The following SLC22A23 variants were observed in gnomAD, a reference collection of about 807,000 sequenced individuals.
SLC22A23 encodes the protein solute carrier family 22 member 23.
SLC22A23 carries 26 observed loss-of-function variants against 61.0 expected under a neutral mutation model. The ratio of observed to expected loss-of-function variants is 0.43; its 90% confidence interval spans 0.31 to 0.59. SLC22A23 has a LOEUF of 0.59. SLC22A23 is among the 20% of genes least tolerant of loss of function. The pLI is 0.11. For missense variants in SLC22A23, 796 were observed against 934.7 expected, an observed-to-expected ratio of 0.85 and a Z score of 1.94; for synonymous variants, 430 against 413.9, an observed-to-expected ratio of 1.04 and a Z score of -0.47.
intron 3 of SLC22A23, among the ~76,000 whole-genome samples, chr6:3,340,256 T>C (rs902696207): frequency 6.6e-6 from 1 of 152,174 alleles, no homozygotes; most frequent in Admixed American, 6.5e-5. Context: ...GACTCTCTTA[T>C]GAATGGCAAG....
At chr6:3,287,673 CTGTT>C (rs975769273) in intron 6 of SLC22A23, among the ~76,000 whole-genome samples, 91 of 63,912 alleles carry the variant, frequency 1.4e-3, no homozygotes, top group Non-Finnish European at 3.2e-3. Flanking sequence ...CCACAGGAAA[CTGTT>C]TTTTTTTTTG....
intron 3 of SLC22A23, among the ~76,000 whole-genome samples, chr6:3,397,927 G>A (rs1768115319): frequency 2.6e-5 from 4 of 152,210 alleles, no homozygotes; most frequent in Non-Finnish European, 5.9e-5. Flanking sequence ...TCAGCCCAAC[G>A]GGGAGCAAAT....
chr6:3,355,852 A>T (rs970478747), intron 3 of SLC22A23, among the ~76,000 whole-genome samples: 3 of 151,122 alleles, frequency 2.0e-5, no homozygotes, highest in Non-Finnish European at 2.9e-5. Context: ...CCGCATCGAC[A>T]CGGAGGAGCC....
intron 4 of SLC22A23, chr6:3,323,196 G>A (rs1175981884): frequency 2.2e-6 from 1 of 454,952 alleles, no homozygotes; most frequent in Non-Finnish European, 4.4e-6. Context: ...CTGATATTGA[G>A]CAGGGGTGGG....
chr6:3,281,979 GGA>G (rs1428462784), intron 9 of SLC22A23, among the ~76,000 whole-genome samples: 1 of 152,130 alleles, frequency 6.6e-6, no homozygotes, highest in Non-Finnish European at 1.5e-5. Flanking sequence ...GCGTCAAAGA[GGA>G]AAAGCTTACA....
rs1374689217 is a variant in SLC22A23 at position 3,322,678 on chromosome 6, T to C, written c.1082+1156A>G. ...ACCAGGCTCTCGGGGAAACCGCACC[T>C]GCACCCTCGCAGTACATCTACTACC... On this transcript the variant is annotated intron_variant, in intron 4 of 9. Transcript: ENST00000406686. The surrounding 1 kb of genome is among the most constrained non-coding windows in gnomAD (Gnocchi z 4.1). 6.6e-6 allele frequency among the ~76,000 whole-genome samples: 1 copy of C among 152,172 alleles called. No homozygotes were observed. Among genetic ancestry groups the C allele is most frequent in the African/African-American group, 2.4e-5 (1 of 41,428 alleles).
intron 4 of SLC22A23, among the ~76,000 whole-genome samples, chr6:3,299,004 AAC>A (rs1231182383): frequency 1.3e-5 from 2 of 150,566 alleles, no homozygotes; most frequent in Non-Finnish European, 1.5e-5. Flanking sequence ...AAATGTTCCC[AAC>A]ACACAAAAAA....
In SLC22A23 at chr6:3,286,994, T is replaced by C. The variant is rs778910609; in HGVS notation, c.1411A>G (p.Thr471Ala). 1 of 1,614,114 alleles carries C rather than the reference T, an allele frequency of 6.2e-7. No homozygotes were observed. Among genetic ancestry groups the C allele is most frequent in the East Asian group, 2.2e-5 (1 of 44,878 alleles). ...LLENFYADYY[T>A]TASIALVSCL... ...GACACCAGCGCGATGCTGGCCGTGG[T>C]ATAGTAGTCAGCATAGAAGTTCTCC... The change falls in exon 7 of 10, where the codon ACC (threonine) becomes GCC (alanine). Residue 471 changes from threonine (T) to alanine (A), a missense_variant. Coordinates refer to ENST00000406686, the MANE Select transcript of SLC22A23 (RefSeq NM_015482.2). This position sits in a 1 kb window ranked among gnomAD's most constrained non-coding sequence, Gnocchi z 4.2.
rs989727868 is a variant in SLC22A23, at chr6:3,454,519, A to G, written c.654+1387T>C. ...TTGCCAAATCCTCAGTCTGTCAGAC[A>G]TACACAGTGATTTAAATAGTCATTG... On this transcript the variant is annotated intron_variant, in intron 1 of 9. Coordinates refer to ENST00000406686, the MANE Select transcript of SLC22A23 (RefSeq NM_015482.2). This position sits in a 1 kb window ranked among gnomAD's most constrained non-coding sequence, Gnocchi z 4.3. Among the ~76,000 whole-genome samples the G allele has an allele frequency of 1.3e-5, 2 of 152,260 alleles. No individual in the cohort carries two copies. Among genetic ancestry groups the G allele is most frequent in the South Asian group, 2.1e-4 (1 of 4,832 alleles).
At chr6:3,366,412 G>A (rs1049994709) in intron 3 of SLC22A23, among the ~76,000 whole-genome samples, 4 of 151,278 alleles carry the variant, frequency 2.6e-5, no homozygotes, top group Non-Finnish European at 5.9e-5. Flanking sequence ...CGTTAGGGCT[G>A]TGTAGTCTTG....
At chr6:3,361,694 T>C (rs1765458578) in intron 3 of SLC22A23, among the ~76,000 whole-genome samples, 1 of 152,228 alleles carries the variant, frequency 6.6e-6, no homozygotes, top group South Asian at 2.1e-4. Flanking sequence ...GCAAGCCCCA[T>C]GGGATCCAAG....
At chr6:3,355,092 C>A (rs1764987860) in intron 3 of SLC22A23, among the ~76,000 whole-genome samples, 1 of 151,922 alleles carries the variant, frequency 6.6e-6, no homozygotes, top group Non-Finnish European at 1.5e-5. Context: ...AGCGCCTCTC[C>A]ACATGGCAGT....
chr6:3,278,422 C>A (rs1033780613), intron 9 of SLC22A23, among the ~76,000 whole-genome samples: 1 of 152,214 alleles, frequency 6.6e-6, no homozygotes, highest in Non-Finnish European at 1.5e-5. Context: ...TACTCAAACT[C>A]CTCCCAGGCT....
chr6:3,316,196 C>G (rs576616240), intron 4 of SLC22A23, among the ~76,000 whole-genome samples: 1 of 152,314 alleles, frequency 6.6e-6, no homozygotes, highest in South Asian at 2.1e-4. Flanking sequence ...GAATGCTTTT[C>G]CCACATTTGT....
At chr6:3,283,733 G>A in intron 9 of SLC22A23, 119 bp downstream of exon 9, 1 of 1,532,820 alleles carries the variant, frequency 6.5e-7, no homozygotes, top group Non-Finnish European at 8.8e-7. Flanking sequence ...CCACGAAGCT[G>A]ATGTGTCCAG....
chr6:3,362,852 G>A (rs1401413140), intron 3 of SLC22A23, among the ~76,000 whole-genome samples: 1 of 79,146 alleles, frequency 1.3e-5, no homozygotes, highest in Non-Finnish European at 2.9e-5. Flanking sequence ...AGGGCAAGGG[G>A]AATGGGGTGG....
At chr6:3,307,179 A>G (rs1040562917) in intron 4 of SLC22A23, among the ~76,000 whole-genome samples, 8 of 152,182 alleles carry the variant, frequency 5.3e-5, no homozygotes, top group Non-Finnish European at 8.8e-5. Flanking sequence ...GGTAGGCACA[A>G]AACCTGCACT....
At chr6:3,291,471 A>C (rs570358000) in intron 5 of SLC22A23, 1 of 152,344 alleles carries the variant, frequency 6.6e-6, no homozygotes, top group South Asian at 2.1e-4. Flanking sequence ...CACTTGTCTG[A>C]GGGAGCTCAT....
At chr6:3,283,367 G>A (rs1370302111) in intron 9 of SLC22A23, 2 of 186,908 alleles carry the variant, frequency 1.1e-5, no homozygotes, top group East Asian at 3.0e-4. Flanking sequence ...GGGAGGCAGA[G>A]GTTGCAGTGA....
Sources: gnomAD v4.1 joint callset for allele counts (sites outside exome capture counted in the v4.1 genomes callset) on GRCh38, gnomAD v4.1.1 for gene constraint, Gnocchi (gnomAD v3.1) non-coding constraint, MANE v1.5 for transcripts, NCBI Gene and HGNC (gene_info 2026-07-23, HGNC 2026-07-21) for gene names.